Variants in DGKB observed in about 807,000 individuals in gnomAD.
The protein encoded by DGKB is 90 kDa diacylglycerol kinase.
Under a neutral mutation model 114.3 loss-of-function variants are expected in DGKB, and 67 were observed. The observed-to-expected ratio is 0.59, with a 90% CI of 0.48 to 0.72. The LOEUF is 0.72. Ranked by LOEUF, DGKB falls within the 30% of genes least tolerant of loss-of-function variation. The pLI, the probability that DGKB is intolerant of heterozygous loss-of-function variation, is 0.00. For missense variants in DGKB, 907 were observed against 975.2 expected (o/e 0.93, Z 0.93); for synonymous variants, 398 against 323.1 (o/e 1.23, Z -2.49).
At chr7:14,856,179 A>G (rs1850124724) in intron 1 of DGKB, among the ~76,000 whole-genome samples, 1 of 152,076 alleles carries the variant, frequency 6.6e-6, no homozygotes, top group Non-Finnish European at 1.5e-5. Context: ...AATCACTTTC[A>G]ACTTATGAAT....
intron 23 of DGKB, among the ~76,000 whole-genome samples, chr7:14,189,882 A>G (rs1039018355): frequency 6.6e-6 from 1 of 152,192 alleles, no homozygotes; most frequent in African/African-American, 2.4e-5. Context: ...ATATGCAACC[A>G]ACACAAAAGC....
intron 23 of DGKB, among the ~76,000 whole-genome samples, chr7:14,334,896 C>T (rs1171564187): frequency 6.6e-6 from 1 of 152,144 alleles, no homozygotes; most frequent in Non-Finnish European, 1.5e-5. Flanking sequence ...TGCTTCAAGA[C>T]TATGCCATCT....
At chr7:14,283,464 A>G (rs1483717861) in intron 23 of DGKB, among the ~76,000 whole-genome samples, 2 of 151,068 alleles carry the variant, frequency 1.3e-5, no homozygotes, top group African/African-American at 4.9e-5. Context: ...ATTCAATGCC[A>G]TCCCCATCAA....
intron 5 of DGKB, among the ~76,000 whole-genome samples, chr7:14,720,751 A>G (rs1829039417): frequency 6.6e-6 from 1 of 152,024 alleles, no homozygotes; most frequent in African/African-American, 2.4e-5. Flanking sequence ...TTGTAAACGG[A>G]ATTTCCTTTT....
chr7:14,371,132 G>A (rs1482232357), intron 21 of DGKB, among the ~76,000 whole-genome samples: 2 of 152,142 alleles, frequency 1.3e-5, no homozygotes, highest in Non-Finnish European at 2.9e-5. Flanking sequence ...ACGAACATAT[G>A]AGTGCAGGTG....
upstream of DGKB, among the ~76,000 whole-genome samples, chr7:14,906,447 C>CTT (rs34250901): frequency 0.011 from 1,104 of 103,832 alleles, 2 homozygotes; most frequent in Non-Finnish European, 0.017. Flanking sequence ...TTTTTTCTGT[C>CTT]TTTTTTTTTT....
intron 1 of DGKB, among the ~76,000 whole-genome samples, chr7:14,890,148 G>A (rs1054289626): frequency 6.6e-6 from 1 of 151,414 alleles, no homozygotes; most frequent in Admixed American, 6.6e-5. Context: ...AAATTAATGA[G>A]GGCACATGCT....
At chr7:14,788,697 T>C (rs1016939061) in intron 2 of DGKB, among the ~76,000 whole-genome samples, 2 of 152,134 alleles carry the variant, frequency 1.3e-5, no homozygotes, top group African/African-American at 4.8e-5. Flanking sequence ...TCAAGTTTCT[T>C]GCCCACCTTT....
chr7:14,155,235 T>A (rs544967428), intron 25 of DGKB, among the ~76,000 whole-genome samples: 2 of 152,156 alleles, frequency 1.3e-5, no homozygotes, highest in Non-Finnish European at 2.9e-5. Context: ...AAAACAAATA[T>A]CCTAACTTAC....
chr7:14,733,591 G>A (rs984117765), intron 5 of DGKB, among the ~76,000 whole-genome samples: 1 of 152,068 alleles, frequency 6.6e-6, no homozygotes, highest in African/African-American at 2.4e-5. Flanking sequence ...GGGAGGTTGG[G>A]GCAGGAGGAT....
chr7:14,689,855 C>A (rs1563919878), intron 9 of DGKB, among the ~76,000 whole-genome samples: 1 of 152,160 alleles, frequency 6.6e-6, no homozygotes, highest in African/African-American at 2.4e-5. Flanking sequence ...TCAGGAATTT[C>A]ATCAGAGAAC....
chr7:14,749,208 C>T (rs890012017), intron 4 of DGKB, among the ~76,000 whole-genome samples: 1 of 152,162 alleles, frequency 6.6e-6, no homozygotes, highest in African/African-American at 2.4e-5. Context: ...TTAAATATTG[C>T]ATTTCTTATG....
chr7:14,443,922 T>C (rs1224543451), intron 21 of DGKB, among the ~76,000 whole-genome samples: 2 of 151,906 alleles, frequency 1.3e-5, no homozygotes, highest in African/African-American at 4.8e-5. Flanking sequence ...TCTAATCGCA[T>C]GCTTCTCTAC....
At chr7:14,245,326 G>A (rs960230782) in intron 23 of DGKB, among the ~76,000 whole-genome samples, 5 of 152,180 alleles carry the variant, frequency 3.3e-5, no homozygotes, top group Admixed American at 6.5e-5. Context: ...TAAGGATGAT[G>A]TACATTTGAA....
intron 6 of DGKB, among the ~76,000 whole-genome samples, chr7:14,704,320 T>G (rs1188004584): frequency 2.8e-5 from 4 of 144,312 alleles, no homozygotes; most frequent in Non-Finnish European, 4.5e-5. Context: ...TGGTGGCAGG[T>G]GCCTGTAGTC....
intron 23 of DGKB, among the ~76,000 whole-genome samples, chr7:14,206,238 C>T (rs150767604): frequency 6.6e-6 from 1 of 152,008 alleles, no homozygotes; most frequent in African/African-American, 2.4e-5. Flanking sequence ...GGGGTTATGA[C>T]AGGGCTAAGT....
In DGKB at chr7:14,962,635, T is replaced by TG. The variant is rs1491319126; in HGVS notation, c.-188+12060_-188+12061insC. On this transcript the variant is annotated intron_variant, in intron 1 of 4. Transcript: ENST00000437998. ...AGCTATAGCTGTGTGTGTGTGTGTG[T>TG]TTGTGTGTGTGTGTGTGTGTGTGTG... is the stretch of plus-strand genomic sequence containing the variant. 4.1e-3 allele frequency among the ~76,000 whole-genome samples: 568 copies of TG among 140,014 alleles called. 3 individuals carry two copies. Among genetic ancestry groups the TG allele is most frequent in the African/African-American group, 0.014 (516 of 36,296 alleles). 91.9% of individuals were successfully genotyped at this position (140,014 alleles called of 152,430 possible).
At chr7:14,513,332 C>G (rs915288312) in intron 20 of DGKB, among the ~76,000 whole-genome samples, 1 of 151,834 alleles carries the variant, frequency 6.6e-6, no homozygotes, top group Non-Finnish European at 1.5e-5. Flanking sequence ...GATGGCTGTG[C>G]CTATTTTAAG....
chr7:14,705,192 T>C (rs1039450204), intron 6 of DGKB, among the ~76,000 whole-genome samples: 11 of 152,242 alleles, frequency 7.2e-5, no homozygotes, highest in Admixed American at 7.2e-4. Context: ...CAGGAGCCGA[T>C]GCGATCAACT....
Sources: allele counts gnomAD v4.1 joint callset (sites outside exome capture counted in the v4.1 genomes callset), GRCh38; gene constraint gnomAD v4.1.1; transcripts MANE v1.5; gene names NCBI Gene and HGNC (gene_info 2026-07-23, HGNC 2026-07-21).